The following PDE1A variants were observed in gnomAD, a reference collection of about 807,000 sequenced individuals.
The protein encoded by PDE1A is phosphodiesterase 1A, also known as dual specificity calcium/calmodulin-dependent 3',5'-cyclic nucleotide phosphodiesterase 1A.
PDE1A carries 35 observed loss-of-function variants against 61.7 expected under a neutral mutation model. The ratio of observed to expected loss-of-function variants is 0.57; its 90% CI spans 0.43 to 0.75. The LOEUF is 0.75. PDE1A is among the 30% of genes least tolerant of loss of function. PDE1A has a pLI of 0.00. For missense variants in PDE1A, 597 were observed against 630.6 expected, an observed-to-expected ratio of 0.95 and a Z score of 0.57; for synonymous variants, 232 against 213.2, an observed-to-expected ratio of 1.09 and a Z score of -0.77.
chr2:182,340,720 G>T (rs1698130591), intron 1 of PDE1A, among the ~76,000 whole-genome samples: 1 of 152,208 alleles, frequency 6.6e-6, no homozygotes, highest in Admixed American at 6.5e-5. Flanking sequence ...ACAGAAGGAA[G>T]TTAACCGAAA....
chr2:182,664,574 C>G, the PDE1A span, among the ~76,000 whole-genome samples: 1 of 152,210 alleles, frequency 6.6e-6, no homozygotes, highest in African/African-American at 2.4e-5. Context: ...ACGCATTTGG[C>G]TTAAAATGCT....
intron 1 of PDE1A, among the ~76,000 whole-genome samples, chr2:182,322,361 G>C (rs1696749564): frequency 1.3e-5 from 2 of 152,154 alleles, no homozygotes; most frequent in South Asian, 4.1e-4. Flanking sequence ...GAGGGACCCA[G>C]TGGGAGGTAA....
intron 1 of PDE1A, among the ~76,000 whole-genome samples, chr2:182,304,366 T>A (rs1456027790): frequency 6.6e-6 from 1 of 152,222 alleles, no homozygotes; most frequent in Non-Finnish European, 1.5e-5. Flanking sequence ...ACTAAAACTT[T>A]CTCCGTATCA....
At chr2:182,452,368 T>G (rs191520277) in intron 2 of PDE1A, among the ~76,000 whole-genome samples, 1 of 152,128 alleles carries the variant, frequency 6.6e-6, no homozygotes, top group African/African-American at 2.4e-5. Flanking sequence ...AATGTGTTCA[T>G]GTGTGTGTTT....
chr2:182,442,511 T>A (rs577033005), intron 2 of PDE1A, among the ~76,000 whole-genome samples: 29 of 152,196 alleles, frequency 1.9e-4, no homozygotes, highest in Middle Eastern at 3.4e-3. Context: ...TGATTTCATT[T>A]GTGCTATATA....
chr2:182,626,734 TATACATATATATAC>T, the PDE1A span, among the ~76,000 whole-genome samples: 682 of 32,304 alleles, frequency 0.021, 109 homozygotes, highest in South Asian at 0.038. Context: ...TATATATATA[TATACATATATATAC>T]ATATATATAT....
chr2:182,223,208 A>G (rs940431653), intron 7 of PDE1A, among the ~76,000 whole-genome samples: 2 of 152,150 alleles, frequency 1.3e-5, no homozygotes, highest in South Asian at 2.1e-4. Flanking sequence ...CTGTAAGTCA[A>G]GAAGAGCAAC....
rs1684907242 is a variant in PDE1A, at chr2:182,183,127, C to A, written c.1516+2765G>T. Among the ~76,000 whole-genome samples the A allele has an allele frequency of 2.6e-5, 4 of 152,106 alleles. No homozygotes were observed. The South Asian group carries it at 8.3e-4, about 32-fold the overall frequency. On this transcript the variant is annotated intron_variant, in intron 13 of 13. Transcript: ENST00000351439. ...ATAGCGCTTAGTACTCTAGACACTT[C>A]TAAGCAAATTATATTAATAAACTCA...
chr2:182,378,707 G>C (rs912476544), intron 1 of PDE1A, among the ~76,000 whole-genome samples: 4 of 152,158 alleles, frequency 2.6e-5, no homozygotes. Flanking sequence ...TGCAACTAAT[G>C]AACTATCCAA....
At chr2:182,165,735 T>C (rs1027030586), downstream of PDE1A, among the ~76,000 whole-genome samples, 1 of 152,194 alleles carries the variant, frequency 6.6e-6, no homozygotes, top group African/African-American at 2.4e-5. Context: ...AAATACCATA[T>C]ACAGCCATGT....
intron 2 of PDE1A, among the ~76,000 whole-genome samples, chr2:182,489,011 T>A (rs896123937): frequency 6.6e-6 from 1 of 152,136 alleles, no homozygotes; most frequent in African/African-American, 2.4e-5. Flanking sequence ...AGGTGAAAAG[T>A]TTATAAATAA....
At chr2:182,508,187 CT>C (rs1689538545) in intron 2 of PDE1A, among the ~76,000 whole-genome samples, 1 of 151,042 alleles carries the variant, frequency 6.6e-6, no homozygotes, top group South Asian at 2.1e-4. Flanking sequence ...ATTCAACATT[CT>C]TTTATGATTT....
Position 182,217,982 on chromosome 2 carries a change from C to A in PDE1A, c.776+5882G>T, listed in dbSNP as rs912866525. On this transcript the variant is annotated intron_variant, in intron 7 of 13. Coordinates refer to ENST00000351439, the Ensembl canonical transcript of PDE1A. ...GACACATGCAAACGTATGTTTATTG[C>A]GGCACTATTCACAATAGCAAAGACT... Among the ~76,000 whole-genome samples the A allele has an allele frequency of 8.0e-5, 12 of 150,666 alleles. No homozygotes were observed. In the South Asian group the frequency reaches 2.3e-3, roughly 29 times the overall value.
At chr2:182,239,958 T>C (rs1574115282) in intron 3 of PDE1A, 152 bp downstream of exon 3, 2 of 553,674 alleles carry the variant, frequency 3.6e-6, no homozygotes, top group East Asian at 3.2e-5. Context: ...GGTAAGTTCA[T>C]CATAAAGTCC....
chr2:182,283,906 A>C (rs1019500010), intron 1 of PDE1A, among the ~76,000 whole-genome samples: 2 of 152,104 alleles, frequency 1.3e-5, no homozygotes, highest in Non-Finnish European at 2.9e-5. Context: ...CTTTTTTTAC[A>C]GATAGTGGAA....
At chr2:182,683,094 T>C in the PDE1A span, among the ~76,000 whole-genome samples, 1 of 151,498 alleles carries the variant, frequency 6.6e-6, no homozygotes. Context: ...CTTTTTCTTT[T>C]CTTTTTTTTT....
chr2:182,399,774 C>T (rs1161866476), intron 1 of PDE1A, among the ~76,000 whole-genome samples: 1 of 151,982 alleles, frequency 6.6e-6, no homozygotes, highest in East Asian at 1.9e-4. Flanking sequence ...CTCCTAATAG[C>T]TGCCTATGTT....
chr2:182,309,830 T>A (rs1364225301), intron 1 of PDE1A, among the ~76,000 whole-genome samples: 3 of 152,096 alleles, frequency 2.0e-5, no homozygotes, highest in Non-Finnish European at 2.9e-5. Context: ...TGCATGTGAT[T>A]GATGTGAATA....
chr2:182,488,853 GA>G, intron 2 of PDE1A, among the ~76,000 whole-genome samples: 1 of 152,240 alleles, frequency 6.6e-6, no homozygotes, highest in Non-Finnish European at 1.5e-5. Flanking sequence ...TCCAGTCAAC[GA>G]AAAACAGTGG....
Sources: gnomAD v4.1 joint callset for allele counts (sites outside exome capture counted in the v4.1 genomes callset) on GRCh38, gnomAD v4.1.1 for gene constraint, MANE v1.5 for transcripts, NCBI Gene and HGNC (gene_info 2026-07-23, HGNC 2026-07-21) for gene names.